The following MTIF2 variants were observed in gnomAD, a reference collection of about 807,000 sequenced individuals.
The protein encoded by MTIF2 is mitochondrial translational initiation factor 2.
A neutral mutation model predicts 83.5 loss-of-function variants in MTIF2; 71 were observed. That is an observed-to-expected ratio of 0.85 (90% CI 0.70 to 1.04). The LOEUF (loss-of-function observed/expected upper bound fraction) is 1.04. Ranked by LOEUF, MTIF2 falls within the 50% of genes least tolerant of loss-of-function variation. The probability of loss-of-function intolerance (pLI) is 0.00; values close to 1 mark genes in which losing one functional copy is unlikely to be tolerated. For missense variants in MTIF2, 957 were observed against 846.5 expected (o/e 1.13, Z -1.62); for synonymous variants, 319 against 287.1 (o/e 1.11, Z -1.12).
At chr2:55,252,246 G>A (rs1275995216) in intron 8 of MTIF2, among the ~76,000 whole-genome samples, 2 of 152,126 alleles carry the variant, frequency 1.3e-5, no homozygotes, top group Non-Finnish European at 2.9e-5. Flanking sequence ...GGGCATAGTA[G>A]AGGAAAGATT....
chr2:55,245,477 C>T (rs1389840590), intron 10 of MTIF2, among the ~76,000 whole-genome samples: 2 of 152,012 alleles, frequency 1.3e-5, no homozygotes, highest in East Asian at 1.9e-4. Context: ...GAGCTGAGAT[C>T]GTGGCCACTT....
intron 9 of MTIF2, among the ~76,000 whole-genome samples, chr2:55,248,169 A>G (rs1049159997): frequency 2.0e-4 from 30 of 152,244 alleles, no homozygotes; most frequent in African/African-American, 6.8e-4. Context: ...GCTTACAGGC[A>G]TAAGTCACTG....
rs191974107 is a variant in MTIF2, at chr2:55,245,936, C to T, written c.1106+401G>A. On this transcript the variant is annotated intron_variant, in intron 10 of 15. Coordinates refer to ENST00000263629, the MANE Select transcript of MTIF2 (RefSeq NM_002453.3). ...TACAGAGGAAAATTCAAGCACACCA[C>T]TTCAAAGACCTTTCTGCGTATTATA... Among the ~76,000 whole-genome samples, 65 of 152,278 alleles carry T rather than the reference C, an allele frequency of 4.3e-4. No homozygotes were observed. In the East Asian group the frequency reaches 0.012, roughly 27 times the overall value.
chr2:55,260,189 C>A (rs547102831), intron 5 of MTIF2, among the ~76,000 whole-genome samples: 1 of 151,942 alleles, frequency 6.6e-6, no homozygotes, highest in Non-Finnish European at 1.5e-5. Context: ...CACCTGAGGT[C>A]GGGAGTTCGA....
chr2:55,257,555 A>G (rs188195968), intron 5 of MTIF2, among the ~76,000 whole-genome samples: 159 of 152,334 alleles, frequency 1.0e-3, no homozygotes, highest in African/African-American at 3.8e-3. Flanking sequence ...ATTCACTGGT[A>G]TGCTGGCAAA....
At chr2:55,252,286 C>T (rs958367101) in intron 8 of MTIF2, among the ~76,000 whole-genome samples, 191 bp downstream of exon 8, 1 of 152,158 alleles carries the variant, frequency 6.6e-6, no homozygotes, top group Non-Finnish European at 1.5e-5. Flanking sequence ...ATGGTCACAA[C>T]TCCCAAGTTG....
chr2:55,240,278 A>T, intron 13 of MTIF2, 103 bp from the exon 14 acceptor site: 1 of 1,141,066 alleles, frequency 8.8e-7, no homozygotes, highest in Non-Finnish European at 1.2e-6. Flanking sequence ...TTTATTTTCT[A>T]AATTAAAATA....
At chr2:55,261,425 G>A (rs541362334) in intron 5 of MTIF2, among the ~76,000 whole-genome samples, 2 of 151,462 alleles carry the variant, frequency 1.3e-5, no homozygotes, top group African/African-American at 4.8e-5. Flanking sequence ...GGCCAACATG[G>A]TGAAACCCCG....
At chr2:55,250,808 C>T (rs1351293425) in intron 8 of MTIF2, among the ~76,000 whole-genome samples, 3 of 152,096 alleles carry the variant, frequency 2.0e-5, no homozygotes, top group South Asian at 2.1e-4. Context: ...CAATCCACAA[C>T]GTACTATTAC....
At chr2:55,244,679 C>G (rs548833322) in intron 10 of MTIF2, among the ~76,000 whole-genome samples, 1 of 152,078 alleles carries the variant, frequency 6.6e-6, no homozygotes, top group South Asian at 2.1e-4. Context: ...CTTTTGAAGG[C>G]CAAGGTGGGT....
chr2:55,237,397 TAC>T lies in MTIF2; in HGVS notation c.1900_1901del (p.Val634AsnfsTer26). The T allele has an allele frequency of 6.2e-7, 1 of 1,612,638 alleles. No homozygotes were observed. Among genetic ancestry groups the T allele is most frequent in the South Asian group, 1.1e-5 (1 of 90,990 alleles). On this transcript the variant is annotated frameshift_variant, in exon 15 of 16. Transcript: ENST00000263629. LOFTEE classifies it high-confidence loss of function. ...CAGGAACTTTTTTCTTCCCTTCTGT[TAC>T]AGAGAAGGTAGCTAGTATAGATGCC... Reference protein sequence around the residue: ...GEASILATFSVTEGKKKVPVA... With the variant: ...GEASILATFSXTEGKKKVPVA...
At position 55,249,345 on chromosome 2, in the gene MTIF2, A is replaced by T. The variant is rs770324904; in HGVS notation, c.981+50T>A. The T allele has an allele frequency of 3.6e-5, 58 of 1,600,378 alleles. No homozygotes were observed. In the South Asian group the frequency reaches 5.5e-4, roughly 15 times the overall value. On this transcript the variant is annotated intron_variant, in intron 9 of 15. Coordinates refer to ENST00000263629, the MANE Select transcript of MTIF2 (RefSeq NM_002453.3). ...TTAGATGTAATATACTGTGTGCATT[A>T]TGTACAGCATTCCCATCCAGGCATA... is the stretch of plus-strand genomic sequence containing the variant.
intron 8 of MTIF2, among the ~76,000 whole-genome samples, chr2:55,251,493 T>C (rs1220911092): frequency 1.3e-5 from 2 of 152,236 alleles, no homozygotes; most frequent in African/African-American, 4.8e-5. Context: ...AGAACTGGAC[T>C]AGTTCAGTAA....
intron 11 of MTIF2, 25 bp downstream of exon 11, chr2:55,244,002 AAT>A (rs775117344): frequency 6.5e-7 from 1 of 1,538,678 alleles, no homozygotes; most frequent in Non-Finnish European, 8.9e-7. Context: ...TATTATATCT[AAT>A]ATATAGGAAT....
At chr2:55,264,462 C>A (rs934561738) in intron 3 of MTIF2, among the ~76,000 whole-genome samples, 17 of 152,128 alleles carry the variant, frequency 1.1e-4, no homozygotes, top group African/African-American at 3.9e-4. Context: ...GTCTCAAACT[C>A]CCGGGATCTA....
At position 55,262,341 on chromosome 2, in the gene MTIF2, C is replaced by G. The variant is rs1177081347; in HGVS notation, c.306G>C (p.Leu102=). 1 of 1,613,178 alleles carries G rather than the reference C, an allele frequency of 6.2e-7. No homozygotes were observed. Among genetic ancestry groups the G allele is most frequent in the Non-Finnish European group, 8.5e-7 (1 of 1,179,574 alleles). The stretch of plus-strand genomic sequence containing the variant: ...CTGTGTTTTTTTCCATTGCCCTGGC[C>G]AGTTCCTCAATAGTCATTCCAATCC... ...EVWIGMTIEE[L]ARAMEKNTDY... The change falls in exon 5 of 16, where the codon CTG becomes CTC. Residue 102 remains leucine, a synonymous_variant. Coordinates refer to ENST00000263629, the MANE Select transcript of MTIF2 (RefSeq NM_002453.3).
At chr2:55,262,876 G>T (rs933638078) in intron 4 of MTIF2, among the ~76,000 whole-genome samples, 1 of 152,136 alleles carries the variant, frequency 6.6e-6, no homozygotes, top group Admixed American at 6.5e-5. Flanking sequence ...CTACAGGCAT[G>T]CGCCACCATG....
chr2:55,258,183 C>T (rs1008671577), intron 5 of MTIF2, among the ~76,000 whole-genome samples: 10 of 152,078 alleles, frequency 6.6e-5, no homozygotes, highest in African/African-American at 2.4e-4. Flanking sequence ...TATAATTTAG[C>T]AATAAGCTCA....
chr2:55,249,566 T>C, intron 8 of MTIF2, 32 bp from the exon 9 acceptor site: 1 of 1,608,194 alleles, frequency 6.2e-7, no homozygotes, highest in Non-Finnish European at 8.5e-7. Flanking sequence ...AGAGTGAAAA[T>C]GATGACACCT....
Sources: gnomAD v4.1 joint callset for allele counts (sites outside exome capture counted in the v4.1 genomes callset) on GRCh38, gnomAD v4.1.1 for gene constraint, MANE v1.5 for transcripts, NCBI Gene and HGNC (gene_info 2026-07-23, HGNC 2026-07-21) for gene names.